TMEM182: variants seen among roughly 807,000 people sequenced by gnomAD.
TMEM182 encodes transmembrane protein 182.
A neutral mutation model predicts 26.8 loss-of-function variants in TMEM182; 20 were observed. That is an observed-to-expected ratio of 0.75 (90% confidence interval 0.53 to 1.09). The LOEUF is 1.09. Ranked by LOEUF, TMEM182 falls within the 50% of genes least tolerant of loss-of-function variation. TMEM182 has a pLI of 0.00. For synonymous variants in TMEM182, 109 were observed against 102.2 expected (o/e 1.07, Z -0.40); for missense variants, 277 against 275.5 (o/e 1.01, Z -0.04).
upstream of TMEM182, chr2:102,758,604 C>G: frequency 1.5e-6 from 1 of 655,986 alleles, no homozygotes; most frequent in Non-Finnish European, 2.8e-6. Flanking sequence ...AAGTACCAAG[C>G]TGGGCCAGAT....
intron 1 of TMEM182, among the ~76,000 whole-genome samples, chr2:102,749,337 A>C (rs1201145135): frequency 6.6e-6 from 1 of 152,172 alleles, no homozygotes; most frequent in African/African-American, 2.4e-5. Context: ...CCACATATTG[A>C]GTGTCCTCTA....
At chr2:102,747,989 C>T (rs1347660039) in intron 1 of TMEM182, among the ~76,000 whole-genome samples, 5 of 152,102 alleles carry the variant, frequency 3.3e-5, no homozygotes, top group East Asian at 1.9e-4. Flanking sequence ...TGTAACACTA[C>T]GAAGGTCAGG....
intron 4 of TMEM182, among the ~76,000 whole-genome samples, chr2:102,802,256 A>G (rs1323741957): frequency 1.7e-4 from 26 of 152,352 alleles, no homozygotes; most frequent in Non-Finnish European, 1.6e-4. Flanking sequence ...CATTCCGTGC[A>G]TGGCAGAGGG....
At chr2:102,812,381 A>G (rs992242234) in intron 4 of TMEM182, among the ~76,000 whole-genome samples, 3 of 107,046 alleles carry the variant, frequency 2.8e-5, no homozygotes, top group Admixed American at 1.3e-4. Flanking sequence ...TTGTCTACAC[A>G]TGTACACACA....
chr2:102,762,769 C>G, intron 2 of TMEM182, 83 bp downstream of exon 2: 2 of 1,138,920 alleles, frequency 1.8e-6, no homozygotes, highest in Non-Finnish European at 2.5e-6. Flanking sequence ...TCACTTCTAG[C>G]GGACTGGATT....
At chr2:102,793,776 A>G (rs992062371) in intron 3 of TMEM182, among the ~76,000 whole-genome samples, 2 of 152,190 alleles carry the variant, frequency 1.3e-5, no homozygotes, top group Non-Finnish European at 1.5e-5. Context: ...TTTTTGATCC[A>G]TGGTTGGTTG....
chr2:102,819,947 A>G (rs2104766076), downstream of TMEM182, among the ~76,000 whole-genome samples: 2 of 152,348 alleles, frequency 1.3e-5, 1 homozygote, highest in South Asian at 4.1e-4. Context: ...TGTAAATGCC[A>G]GTGGCCATGA....
chr2:102,786,795 C>T (rs986438354), intron 3 of TMEM182, among the ~76,000 whole-genome samples: 2 of 152,126 alleles, frequency 1.3e-5, no homozygotes, highest in Non-Finnish European at 2.9e-5. Context: ...GCACCTATTA[C>T]ATGCCAACCA....
intron 3 of TMEM182, among the ~76,000 whole-genome samples, chr2:102,784,659 C>T (rs1415193860): frequency 6.6e-6 from 1 of 152,108 alleles, no homozygotes. Context: ...ACAGAGCAGC[C>T]CTTAGGGCTG....
At position 102,815,383 on chromosome 2, in the gene TMEM182, C is replaced by G. The variant is rs1334306933; in HGVS notation, c.*415C>G. ...AATAATTAAGAATGGGCAAGGTTGT[C>G]AGAGAATTTATTTTGTTTCTTGCCC... On this transcript the variant is annotated 3_prime_UTR_variant, in exon 5 of 5. Transcript: ENST00000412401. 7.0e-6 allele frequency: 7 copies of G among 996,970 alleles called. No homozygotes were observed. Among genetic ancestry groups the G allele is most frequent in the Non-Finnish European group, 7.2e-6 (6 of 837,812 alleles). 61.8% of individuals were successfully genotyped at this position (996,970 alleles called of 1,614,324 possible).
chr2:102,746,305 G>A (rs1190518640), intron 1 of TMEM182, among the ~76,000 whole-genome samples: 1 of 152,056 alleles, frequency 6.6e-6, no homozygotes, highest in Non-Finnish European at 1.5e-5. Context: ...TTATTGAGTT[G>A]TAAGAGTTCT....
At chr2:102,794,034 C>T (rs72829920) in intron 3 of TMEM182, among the ~76,000 whole-genome samples, 21,026 of 152,112 alleles carry the variant, frequency 0.14, 1,785 homozygotes, top group East Asian at 0.22. Flanking sequence ...TACATGACTG[C>T]ACTCCAGCCT....
chr2:102,789,376 T>C (rs190593999), intron 3 of TMEM182, among the ~76,000 whole-genome samples: 2 of 152,386 alleles, frequency 1.3e-5, no homozygotes, highest in African/African-American at 4.8e-5. Flanking sequence ...GGTTGACTTT[T>C]CTCTCTATAC....
intron 3 of TMEM182, among the ~76,000 whole-genome samples, chr2:102,770,553 T>C (rs1408334949): frequency 6.6e-6 from 1 of 152,176 alleles, no homozygotes; most frequent in Non-Finnish European, 1.5e-5. Flanking sequence ...CACCTGAGGA[T>C]CCTCCTGAGA....
At chr2:102,779,899 A>C (rs1681091568) in intron 3 of TMEM182, among the ~76,000 whole-genome samples, 1 of 152,118 alleles carries the variant, frequency 6.6e-6, no homozygotes, top group African/African-American at 2.4e-5. Flanking sequence ...GCTACTCGGG[A>C]GGCTGAGGCA....
At chr2:102,746,482 A>G (rs756883738) in intron 1 of TMEM182, among the ~76,000 whole-genome samples, 1 of 152,116 alleles carries the variant, frequency 6.6e-6, no homozygotes, top group South Asian at 2.1e-4. Flanking sequence ...TTTTGCTGTG[A>G]TATCTAAGGA....
chr2:102,741,667 AATC>A (rs1192126123), intron 1 of TMEM182, among the ~76,000 whole-genome samples: 2 of 152,168 alleles, frequency 1.3e-5, no homozygotes, highest in South Asian at 2.1e-4. Flanking sequence ...ACTGAAATTT[AATC>A]ATAAGATTAT....
In TMEM182 at chr2:102,815,299, A is replaced by G; in HGVS notation, c.*331A>G. 3 of 1,025,734 alleles carry G rather than the reference A, an allele frequency of 2.9e-6. No individual in the cohort carries two copies. Among genetic ancestry groups the G allele is most frequent in the Non-Finnish European group, 3.5e-6 (3 of 856,848 alleles). 63.5% of individuals were successfully genotyped at this position (1,025,734 alleles called of 1,614,324 possible). On this transcript the variant is annotated 3_prime_UTR_variant, in exon 5 of 5. Coordinates refer to ENST00000412401, the MANE Select transcript of TMEM182 (RefSeq NM_144632.5). ...ACCATGACATGGGGAAAATCTCGATAGATTTGGCTTAAAGTCTCCTTGGCA... is the reference window on the plus strand; with the variant it reads ...ACCATGACATGGGGAAAATCTCGATGGATTTGGCTTAAAGTCTCCTTGGCA...
intron 1 of TMEM182, among the ~76,000 whole-genome samples, chr2:102,740,977 TG>T (rs1679523903): frequency 6.6e-6 from 1 of 152,244 alleles, no homozygotes; most frequent in Non-Finnish European, 1.5e-5. Flanking sequence ...ACATGCTCTA[TG>T]ATTCCTTTCA....
Sources: allele counts gnomAD v4.1 joint callset (sites outside exome capture counted in the v4.1 genomes callset), GRCh38; gene constraint gnomAD v4.1.1; transcripts MANE v1.5; gene names NCBI Gene and HGNC (gene_info 2026-07-23, HGNC 2026-07-21).